Variants in ZNF148 observed in about 807,000 individuals in gnomAD.
ZNF148 encodes Beta-Enolase Repressor Factor-1.
In ZNF148, 7 loss-of-function variants were observed where a neutral mutation model predicts 67.7. The ratio of observed to expected loss-of-function variants is 0.10; its 90% CI spans 0.06 to 0.19. The LOEUF is 0.19. Ranked by LOEUF, ZNF148 falls within the 10% of genes least tolerant of loss-of-function variation. The pLI, the probability that ZNF148 is intolerant of heterozygous loss-of-function variation, is 1.00. For synonymous variants in ZNF148, 333 were observed against 330.7 expected, an observed-to-expected ratio of 1.01 and a Z score of -0.08; for missense variants, 583 against 947.1, an observed-to-expected ratio of 0.62 and a Z score of 5.05.
At chr3:125,361,583 AC>A (rs1942543168) in intron 1 of ZNF148, among the ~76,000 whole-genome samples, 1 of 152,072 alleles carries the variant, frequency 6.6e-6, no homozygotes, top group South Asian at 2.1e-4. Flanking sequence ...TGTAATCCCA[AC>A]ACTTTAGGAG....
intron 7 of ZNF148, among the ~76,000 whole-genome samples, chr3:125,271,313 T>C (rs1039159326): frequency 6.6e-6 from 1 of 152,214 alleles, no homozygotes; most frequent in Non-Finnish European, 1.5e-5. Context: ...GCCATTTACA[T>C]GCACATCTTG....
At chr3:125,297,005 A>G (rs1248870236) in intron 4 of ZNF148, among the ~76,000 whole-genome samples, 1 of 152,066 alleles carries the variant, frequency 6.6e-6, no homozygotes, top group Non-Finnish European at 1.5e-5. Flanking sequence ...GTATGTCAAG[A>G]GCAGTTTTCC....
chr3:125,336,897 G>T (rs1456591543), intron 1 of ZNF148, among the ~76,000 whole-genome samples: 1 of 150,594 alleles, frequency 6.6e-6, no homozygotes, highest in Non-Finnish European at 1.5e-5. Flanking sequence ...GGATGTTCTC[G>T]ATCTCCTGAC....
chr3:125,250,273 A>G (rs1936781499), intron 7 of ZNF148, among the ~76,000 whole-genome samples: 2 of 152,180 alleles, frequency 1.3e-5, no homozygotes, highest in Admixed American at 1.3e-4. Flanking sequence ...AATATATACA[A>G]TTTCCATTTG....
Position 125,233,133 on chromosome 3 carries a change from A to G in ZNF148, c.1593T>C (p.His531=). ...CCTCATCTGGAATAACATTTTTGTC[A>G]TGATTACTCTTAATCTCCACATTCA... ...QALNVEIKSN[H]DKNVIPDEVL... The change falls in exon 9 of 9, where the codon CAT becomes CAC. Residue 531 remains histidine (H), a synonymous_variant. Coordinates refer to ENST00000360647, the MANE Select transcript of ZNF148 (RefSeq NM_021964.3). The surrounding 1 kb of genome is among the most constrained non-coding windows in gnomAD (Gnocchi z 5.1). The G allele has an allele frequency of 1.2e-6, 2 of 1,613,854 alleles. No individual in the cohort carries two copies. Among genetic ancestry groups the G allele is most frequent in the Non-Finnish European group, 8.5e-7 (1 of 1,179,878 alleles).
At chr3:125,279,025 T>C (rs1386613710) in intron 6 of ZNF148, 99 bp downstream of exon 6, 1 of 1,242,814 alleles carries the variant, frequency 8.0e-7, no homozygotes, top group Non-Finnish European at 1.1e-6. Context: ...GAATGCCAGA[T>C]TAGCTATGGT....
At chr3:125,315,525 G>T (rs1420828200) in intron 3 of ZNF148, among the ~76,000 whole-genome samples, 3 of 151,864 alleles carry the variant, frequency 2.0e-5, no homozygotes, top group Non-Finnish European at 4.4e-5. Flanking sequence ...TGGCCAACAT[G>T]GTGAAACCCT....
chr3:125,285,211 A>G (rs1938596456), intron 5 of ZNF148, among the ~76,000 whole-genome samples: 1 of 152,220 alleles, frequency 6.6e-6, no homozygotes, highest in Non-Finnish European at 1.5e-5. Context: ...CTCTAGGCAT[A>G]ATAAATCATA....
Position 125,232,520 on chromosome 3 carries a change from G to A in ZNF148, c.2206C>T (p.Pro736Ser), listed in dbSNP as rs1404739882. 7 of 1,613,542 alleles carry A rather than the reference G, an allele frequency of 4.3e-6. No individual in the cohort carries two copies. The South Asian group carries it at 4.4e-5, about 10-fold the overall frequency. ...MSSFEQPFRAPYHGSRAGIAT... is the reference protein window; with the variant it reads ...MSSFEQPFRASYHGSRAGIAT... The stretch of plus-strand genomic sequence containing the variant: ...ATTCCAGCTCTTGATCCATGATAGG[G>A]AGCACGGAAGGGCTGTTCAAAGGAG... The change falls in exon 9 of 9, where the codon CCC becomes TCC. Residue 736 changes from proline to serine, a missense_variant. By Grantham distance (74) the Pro-to-Ser change is moderately conservative (BLOSUM62 -1). Transcript: ENST00000360647. This position sits in a 1 kb window ranked among gnomAD's most constrained non-coding sequence, Gnocchi z 4.2.
chr3:125,237,345 G>A (rs1936137616), intron 7 of ZNF148, among the ~76,000 whole-genome samples: 1 of 152,162 alleles, frequency 6.6e-6, no homozygotes, highest in African/African-American at 2.4e-5. Flanking sequence ...ACTTTGGGAG[G>A]CTGTGGTGGG....
intron 2 of ZNF148, among the ~76,000 whole-genome samples, chr3:125,326,678 T>C (rs893404282): frequency 1.4e-5 from 2 of 148,094 alleles, no homozygotes; most frequent in East Asian, 3.9e-4. Flanking sequence ...TGAGTATATA[T>C]ATATATACTT....
chr3:125,339,467 TTAAC>T (rs772543302), intron 1 of ZNF148, among the ~76,000 whole-genome samples: 5 of 152,208 alleles, frequency 3.3e-5, no homozygotes, highest in East Asian at 3.8e-4. Context: ...CTCACTTTAA[TTAAC>T]TAAATAACAA....
chr3:125,308,534 A>C (rs1940016132), intron 4 of ZNF148, among the ~76,000 whole-genome samples: 2 of 121,448 alleles, frequency 1.6e-5, no homozygotes, highest in Admixed American at 8.4e-5. Flanking sequence ...TATAAAAAAA[A>C]AAAAAACAAA....
At chr3:125,251,757 C>T (rs763905681) in intron 7 of ZNF148, among the ~76,000 whole-genome samples, 3 of 152,110 alleles carry the variant, frequency 2.0e-5, no homozygotes, top group Non-Finnish European at 4.4e-5. Context: ...ACTAACAAGG[C>T]TGCTTAAATG....
At chr3:125,324,536 G>A (rs1379689268) in intron 2 of ZNF148, among the ~76,000 whole-genome samples, 2 of 152,162 alleles carry the variant, frequency 1.3e-5, no homozygotes, top group Non-Finnish European at 2.9e-5. Flanking sequence ...TAAGTATTCT[G>A]AGCATAGTTA....
At chr3:125,367,002 A>G (rs1282760918) in intron 1 of ZNF148, among the ~76,000 whole-genome samples, 4 of 152,240 alleles carry the variant, frequency 2.6e-5, no homozygotes, top group African/African-American at 9.6e-5. Flanking sequence ...ATTTGTGATT[A>G]TAGTACAGGT....
chr3:125,345,601 A>ACAAC (rs71148177), intron 1 of ZNF148, among the ~76,000 whole-genome samples: 37 of 150,800 alleles, frequency 2.5e-4, no homozygotes, highest in African/African-American at 5.6e-4. Context: ...AACAACAACA[A>ACAAC]AAAAAGACAA....
intron 1 of ZNF148, among the ~76,000 whole-genome samples, chr3:125,362,486 C>T (rs1040730589): frequency 1.3e-5 from 2 of 151,938 alleles, no homozygotes. Context: ...CAAAAAAAAA[C>T]AAAAACTAAA....
chr3:125,368,836 C>T (rs1370482973), intron 1 of ZNF148, among the ~76,000 whole-genome samples: 5 of 151,934 alleles, frequency 3.3e-5, no homozygotes, highest in Non-Finnish European at 5.9e-5. Context: ...GTCCCAGCCA[C>T]TCTGAGACTG....
Sources: allele counts gnomAD v4.1 joint callset (sites outside exome capture counted in the v4.1 genomes callset), GRCh38; gene constraint gnomAD v4.1.1; non-coding constraint Gnocchi (gnomAD v3.1); transcripts MANE v1.5; gene names NCBI Gene and HGNC (gene_info 2026-07-23, HGNC 2026-07-21).